NKPD1: variants seen among roughly 807,000 people sequenced by gnomAD.
The protein encoded by NKPD1 is NTPase KAP family P-loop domain-containing protein 1.
In NKPD1, 37 loss-of-function variants were observed where a neutral mutation model predicts 42.2. The ratio of observed to expected loss-of-function variants is 0.88; its 90% confidence interval spans 0.67 to 1.15. The LOEUF is 1.15. Among genes scored for constraint, NKPD1 ranks in the 50% most tolerant of loss-of-function variants. The pLI, the probability that NKPD1 is intolerant of heterozygous loss-of-function variation, is 0.00. For synonymous variants in NKPD1, 552 were observed against 536.5 expected, an observed-to-expected ratio of 1.03 and a Z score of -0.40; for missense variants, 1,113 against 1,174.6, an observed-to-expected ratio of 0.95 and a Z score of 0.77.
At chr19:45,160,717 C>T (rs1252531464) in intron 1 of NKPD1, among the ~76,000 whole-genome samples, 9 of 152,010 alleles carry the variant, frequency 5.9e-5, no homozygotes, top group African/African-American at 1.4e-4. Flanking sequence ...GCAATGAAAT[C>T]GCGGTGGTCC....
upstream of NKPD1, among the ~76,000 whole-genome samples, chr19:45,162,376 G>T (rs1969024057): frequency 6.6e-6 from 1 of 152,170 alleles, no homozygotes; most frequent in Non-Finnish European, 1.5e-5. Context: ...TTTAGCAAGG[G>T]GCCCCTTTCT....
chr19:45,156,914 G>A (rs977447449), intron 3 of NKPD1, among the ~76,000 whole-genome samples: 1 of 152,188 alleles, frequency 6.6e-6, no homozygotes, highest in Non-Finnish European at 1.5e-5. Context: ...GTGGGTAGGC[G>A]GGTCTAATTC....
Position 45,153,260 on chromosome 19 carries a change from G to A in NKPD1, c.1177C>T (p.Leu393Phe), listed in dbSNP as rs777469911. 2 of 1,602,392 alleles carry A rather than the reference G, an allele frequency of 1.2e-6. No homozygotes were observed. The highest frequency in any genetic ancestry group is 1.7e-6 in the Non-Finnish European group (2 of 1,175,450). The change falls in exon 5 of 5, where the codon CTC becomes TTC. Residue 393 changes from leucine (L) to phenylalanine (F), a missense_variant. Leu to Phe is a conservative substitution (Grantham distance 22). This residue lies in a region of NKPD1 where 867 missense variants were observed against 870.1 expected (regional missense o/e 1.00). Transcript: ENST00000686631. ...TTGCCCACCGAGTACACGGCCATGA[G>A]CAGCCCCGAGCCCGACAGTGTGGTG... ...AATTLSGSGL[L>F]MAVYSVGKHL...
At position 45,153,779 on chromosome 19, in the gene NKPD1, C is replaced by A; in HGVS notation, c.662-4G>T. 6.9e-7 allele frequency: 1 copy of A among 1,454,386 alleles called. No homozygotes were observed. Among genetic ancestry groups the A allele is most frequent in the South Asian group, 1.4e-5 (1 of 73,332 alleles). The allele number at this position is 1,454,386 out of a possible 1,614,324, so 90.1% of individuals were successfully genotyped here. A position where few individuals can be genotyped will look rare whatever the true frequency, so the allele number is the denominator to read the frequency against. ...GCGGCCTCCTGCTGCATCAGCGCTGCGGGAAGGGAGCCCGGGAGCCGCGTG... is the reference window on the plus strand; with the variant it reads ...GCGGCCTCCTGCTGCATCAGCGCTGAGGGAAGGGAGCCCGGGAGCCGCGTG... On this transcript the variant is annotated splice_region_variant and splice_polypyrimidine_tract_variant and intron_variant, in intron 4 of 4. Transcript: ENST00000686631.
chr19:45,161,715 C>A (rs535738833), upstream of NKPD1, among the ~76,000 whole-genome samples: 1 of 152,340 alleles, frequency 6.6e-6, no homozygotes, highest in East Asian at 1.9e-4. Flanking sequence ...CCCACAGATG[C>A]CCTCTGAGGG....
At position 45,159,030 on chromosome 19, in the gene NKPD1, T is replaced by A. The variant is rs762720079; in HGVS notation, c.162A>T (p.Gln54His). ...TGTGGTAGGCCAGCTGCCAGTGTGATTGGGGGGAAGGCCGACAGGGCCCAT... is the reference window on the plus strand; with the variant it reads ...TGTGGTAGGCCAGCTGCCAGTGTGAATGGGGGGAAGGCCGACAGGGCCCAT... Reference protein sequence around the residue: ...RAHGPCRPSPQSHWQLAYHSH... With the variant: ...RAHGPCRPSPHSHWQLAYHSH... Residue 54 changes from glutamine (Q) to histidine (H), a missense_variant, in exon 3 of 5, where the codon CAA (glutamine) becomes CAT (histidine). Transcript: ENST00000686631. 7.7e-7 allele frequency: 1 copy of A among 1,300,322 alleles called. No individual in the cohort carries two copies. Among genetic ancestry groups the A allele is most frequent in the South Asian group, 1.2e-5 (1 of 80,596 alleles). 80.5% of individuals were successfully genotyped at this position (1,300,322 alleles called of 1,614,324 possible). A position where few individuals can be genotyped will look rare whatever the true frequency, so the allele number is the denominator to read the frequency against.
At chr19:45,156,255 G>T (rs548472913) in intron 3 of NKPD1, among the ~76,000 whole-genome samples, 1 of 152,272 alleles carries the variant, frequency 6.6e-6, no homozygotes, top group Non-Finnish European at 1.5e-5. Context: ...AATCCCAAAG[G>T]CCTTTATTTG....
Position 45,152,479 on chromosome 19 carries a change from G to A in NKPD1, c.1958C>T (p.Ala653Val), listed in dbSNP as rs528787104. ...GDFGGPTPRQ[A>V]VAWVVLANQW... ...GTTGGCGAGCACCACCCACGCCACC[G>A]CCTGGCGCGGCGTGGGGCCCCCAAA... The change falls in exon 5 of 5, where the codon GCG becomes GTG. Residue 653 changes from alanine to valine, a missense_variant. Physicochemically the swap from Ala to Val is moderately conservative, Grantham distance 64. Coordinates refer to ENST00000686631, the MANE Select transcript of NKPD1 (RefSeq NM_198478.4). 362 of 1,551,472 alleles carry A rather than the reference G, an allele frequency of 2.3e-4. No individual in the cohort carries two copies. The highest frequency in any genetic ancestry group is 3.2e-4 in the Admixed American group (17 of 52,846).
chr19:45,159,575 G>A (rs897352574), intron 2 of NKPD1, among the ~76,000 whole-genome samples: 4 of 152,140 alleles, frequency 2.6e-5, no homozygotes, highest in Admixed American at 1.3e-4. Context: ...AGGGTGGCAG[G>A]AAGGGTGGTG....
At chr19:45,162,689 C>T (rs1171827274), upstream of NKPD1, among the ~76,000 whole-genome samples, 3 of 152,202 alleles carry the variant, frequency 2.0e-5, no homozygotes, top group African/African-American at 4.8e-5. Context: ...GAAGACGCTC[C>T]GTTCTGTGCA....
chr19:45,156,736 A>G (rs961800899), intron 3 of NKPD1, among the ~76,000 whole-genome samples: 3 of 152,258 alleles, frequency 2.0e-5, no homozygotes, highest in South Asian at 2.1e-4. Context: ...TGGGGTATCA[A>G]AAAGGTAGGG....
rs1968943094 is a variant in NKPD1, at chr19:45,158,444, G to A, written c.529+219C>T. On this transcript the variant is annotated intron_variant, in intron 3 of 4. Transcript: ENST00000686631. The surrounding 1 kb of genome is among the most constrained non-coding windows in gnomAD (Gnocchi z 4.6). ...CCTTCACTGCCTGGCGCAGGATGGA[G>A]GCACGGGGCAGGCCTGGCCTGGAAG... Among the ~76,000 whole-genome samples the A allele has an allele frequency of 6.6e-6, 1 of 152,274 alleles. No individual in the cohort carries two copies. The highest frequency in any genetic ancestry group is 1.5e-5 in the Non-Finnish European group (1 of 68,038).
At chr19:45,160,641 G>A (rs1048471189) in intron 1 of NKPD1, among the ~76,000 whole-genome samples, 1 of 152,040 alleles carries the variant, frequency 6.6e-6, no homozygotes, top group Non-Finnish European at 1.5e-5. Flanking sequence ...GAAGCAGGGT[G>A]AGTGAAAATC....
chr19:45,156,173 G>A (rs907882009), intron 3 of NKPD1, among the ~76,000 whole-genome samples: 1 of 152,218 alleles, frequency 6.6e-6, no homozygotes, highest in African/African-American at 2.4e-5. Flanking sequence ...GGCTGAGGCT[G>A]CGGGAAGTCA....
intron 4 of NKPD1, 99 bp from the exon 5 acceptor site, chr19:45,153,874 G>T: frequency 1.6e-6 from 2 of 1,235,612 alleles, no homozygotes; most frequent in East Asian, 3.0e-5. Context: ...GAGGCGAGGG[G>T]CGCCCAGCAG....
chr19:45,157,432 G>A (rs907905725), intron 3 of NKPD1, among the ~76,000 whole-genome samples: 1 of 152,160 alleles, frequency 6.6e-6, no homozygotes. Flanking sequence ...TACTTTTCGA[G>A]GCAAGGTCTT....
chr19:45,150,867 C>T lies in NKPD1; in HGVS notation c.*1071G>A, dbSNP rs1022218866. 2.0e-5 allele frequency: 3 copies of T among 152,330 alleles called. No individual in the cohort carries two copies. Among genetic ancestry groups the T allele is most frequent in the Admixed American group, 1.3e-4 (2 of 15,290 alleles). 9.4% of individuals were successfully genotyped at this position (152,330 alleles called of 1,614,324 possible). A position where few individuals can be genotyped will look rare whatever the true frequency, so the allele number is the denominator to read the frequency against. ...CTCTCAGGTTCCTCGGGGGCTGTCC[C>T]CTCCACCAGCCTCAGGGCCCTGGCT... On this transcript the variant is annotated 3_prime_UTR_variant, in exon 5 of 5. Coordinates refer to ENST00000686631, the MANE Select transcript of NKPD1 (RefSeq NM_198478.4).
chr19:45,152,919 G>A lies in NKPD1; in HGVS notation c.1518C>T (p.Gly506=). 1.9e-6 allele frequency: 3 copies of A among 1,580,318 alleles called. No homozygotes were observed. In the South Asian group the frequency reaches 3.4e-5, roughly 18 times the overall value. The change falls in exon 5 of 5, where the codon GGC becomes GGT. Residue 506 remains glycine (G), a synonymous_variant. Coordinates refer to ENST00000686631, the MANE Select transcript of NKPD1 (RefSeq NM_198478.4). ...SILAACLESA[G]NMKGTADNGY... ...CGTTATCGGCCGTGCCCTTCATGTT[G>A]CCCGCGCTCTCTAGGCACGCGGCCA...
upstream of NKPD1, among the ~76,000 whole-genome samples, chr19:45,161,986 A>ACC (rs201964645): frequency 1.8e-4 from 1 of 5,406 alleles, no homozygotes; most frequent in Non-Finnish European, 3.7e-4. Flanking sequence ...GCGACCTGGG[A>ACC]CCCCGTCTCC....
Sources: allele counts gnomAD v4.1 joint callset (sites outside exome capture counted in the v4.1 genomes callset), GRCh38; gene constraint gnomAD v4.1.1; regional missense constraint gnomAD v4.1.1; non-coding constraint Gnocchi (gnomAD v3.1); transcripts MANE v1.5; gene names NCBI Gene and HGNC (gene_info 2026-07-23, HGNC 2026-07-21).